CHST9: variants seen among roughly 807,000 people sequenced by gnomAD.
CHST9 encodes carbohydrate sulfotransferase 9, also known as GalNAc-4-sulfotransferase 2.
CHST9 carries 41 observed loss-of-function variants against 44.4 expected under a neutral mutation model. The observed-to-expected ratio is 0.92, with a 90% CI of 0.72 to 1.20. The LOEUF (loss-of-function observed/expected upper bound fraction) is 1.20. CHST9 is among the 50% of genes most tolerant of loss of function. The pLI is 0.00. For missense variants in CHST9, 504 were observed against 516.5 expected, an observed-to-expected ratio of 0.98 and a Z score of 0.23; for synonymous variants, 171 against 178.4, an observed-to-expected ratio of 0.96 and a Z score of 0.33.
intron 4 of CHST9, among the ~76,000 whole-genome samples, chr18:26,990,687 T>C (rs1214312783): frequency 3.3e-5 from 5 of 152,330 alleles, no homozygotes; most frequent in Middle Eastern, 3.4e-3. Flanking sequence ...CTCATTCCTT[T>C]GTGTCTCATT....
At position 27,173,153 on chromosome 18, in the gene CHST9, T is replaced by C. The variant is rs544695114; in HGVS notation, c.-97+11983A>G. ...AACCTCATTTACTTTGTCCCTGTCATAGAACCTGTACTTGATGGATATTTG... is the reference window on the plus strand; with the variant it reads ...AACCTCATTTACTTTGTCCCTGTCACAGAACCTGTACTTGATGGATATTTG... On this transcript the variant is annotated intron_variant, in intron 1 of 5. Transcript: ENST00000618847. Among the ~76,000 whole-genome samples, 7 of 152,220 alleles carry C rather than the reference T, an allele frequency of 4.6e-5. No individual in the cohort carries two copies. In the South Asian group the frequency reaches 1.4e-3, roughly 32 times the overall value.
At chr18:27,142,332 C>T (rs1323587100) in intron 2 of CHST9, among the ~76,000 whole-genome samples, 1 of 152,178 alleles carries the variant, frequency 6.6e-6, no homozygotes, top group African/African-American at 2.4e-5. Context: ...GGAGAGGCTG[C>T]TGTACATTCA....
intron 5 of CHST9, among the ~76,000 whole-genome samples, chr18:26,927,938 C>A (rs232335): frequency 1.1e-4 from 16 of 151,868 alleles, no homozygotes; most frequent in Non-Finnish European, 2.1e-4. Flanking sequence ...AGGTCCCTGC[C>A]GCCTTCCGTG....
intron 5 of CHST9, among the ~76,000 whole-genome samples, chr18:26,921,385 A>G (rs2055650324): frequency 6.6e-6 from 1 of 152,180 alleles, no homozygotes; most frequent in African/African-American, 2.4e-5. Flanking sequence ...GAGTGCTAGT[A>G]AGTTTCCTCT....
intron 2 of CHST9, among the ~76,000 whole-genome samples, chr18:27,077,357 A>G (rs1309544901): frequency 6.6e-6 from 1 of 152,202 alleles, no homozygotes; most frequent in Admixed American, 6.5e-5. Context: ...AGACTTTAAT[A>G]TACTTGCATA....
intron 4 of CHST9, among the ~76,000 whole-genome samples, chr18:26,972,234 G>A (rs914179997): frequency 6.6e-6 from 1 of 151,868 alleles, no homozygotes; most frequent in African/African-American, 2.4e-5. Context: ...GCACGGGCCT[G>A]TAGTCCCAGC....
chr18:26,910,208 C>T lies in CHST9; in HGVS notation c.*6051G>A, dbSNP rs560381716. ...ACTGGATTTCTCCCAACATCTTTGT[C>T]ATTGGTCAAAAGAGACTTCCCCAAA... On this transcript the variant is annotated 3_prime_UTR_variant, in exon 6 of 6. Coordinates refer to ENST00000618847, the MANE Select transcript of CHST9 (RefSeq NM_031422.6). The T allele has an allele frequency of 3.9e-5, 6 of 152,228 alleles. No homozygotes were observed. In the East Asian group the frequency reaches 1.2e-3, roughly 29 times the overall value. 9.4% of individuals were successfully genotyped at this position (152,228 alleles called of 1,614,324 possible).
At chr18:27,165,323 G>T (rs1196918832) in intron 1 of CHST9, among the ~76,000 whole-genome samples, 5 of 152,174 alleles carry the variant, frequency 3.3e-5, no homozygotes, top group Non-Finnish European at 7.4e-5. Flanking sequence ...AAAATTAGAT[G>T]AAGCTGCACA....
At chr18:27,108,790 A>G (rs2143773524) in intron 2 of CHST9, among the ~76,000 whole-genome samples, 1 of 152,298 alleles carries the variant, frequency 6.6e-6, no homozygotes, top group South Asian at 2.1e-4. Flanking sequence ...ATAAAGATAC[A>G]CTTAGTCTTT....
In CHST9 at chr18:26,911,171, A is replaced by G. The variant is rs1328248983; in HGVS notation, c.*5088T>C. On this transcript the variant is annotated 3_prime_UTR_variant, in exon 6 of 6. Coordinates refer to ENST00000618847, the MANE Select transcript of CHST9 (RefSeq NM_031422.6). The stretch of plus-strand genomic sequence containing the variant: ...GGCAGAAATATACGAATTCTACACT[A>G]AAAGAAGTTGTACAGGAACCTTTAA... 1.3e-5 allele frequency: 2 copies of G among 152,152 alleles called. No individual in the cohort carries two copies. Among genetic ancestry groups the G allele is most frequent in the Non-Finnish European group, 2.9e-5 (2 of 68,026 alleles). 9.4% of individuals were successfully genotyped at this position (152,152 alleles called of 1,614,324 possible). A position where few individuals can be genotyped will look rare whatever the true frequency, so the allele number is the denominator to read the frequency against.
intron 1 of CHST9, among the ~76,000 whole-genome samples, chr18:27,182,549 G>T (rs946485302): frequency 6.6e-6 from 1 of 152,168 alleles, no homozygotes; most frequent in African/African-American, 2.4e-5. Flanking sequence ...TTTTCCTAAT[G>T]TGCTGGCTAG....
At chr18:27,000,772 A>G (rs1293763553) in intron 4 of CHST9, among the ~76,000 whole-genome samples, 1 of 152,160 alleles carries the variant, frequency 6.6e-6, no homozygotes, top group Non-Finnish European at 1.5e-5. Flanking sequence ...TTAAAAAGAT[A>G]AAGAATACAC....
intron 2 of CHST9, among the ~76,000 whole-genome samples, chr18:27,121,771 A>T (rs772692580): frequency 1.8e-4 from 27 of 152,210 alleles, no homozygotes; most frequent in Non-Finnish European, 3.2e-4. Flanking sequence ...GGCCCTCTGG[A>T]TCTAGCTATT....
intron 2 of CHST9, among the ~76,000 whole-genome samples, chr18:27,113,884 T>C (rs2058297127): frequency 6.6e-6 from 1 of 152,188 alleles, no homozygotes; most frequent in Non-Finnish European, 1.5e-5. Flanking sequence ...ATGAGCTATA[T>C]CAAATGGTGA....
chr18:26,938,633 C>G (rs77045196), intron 5 of CHST9, among the ~76,000 whole-genome samples: 5,379 of 152,300 alleles, frequency 0.035, 318 homozygotes, highest in African/African-American at 0.12. Flanking sequence ...GTGAGTGGCA[C>G]TGCCATGCTT....
chr18:27,087,401 C>G (rs2058023366), intron 2 of CHST9, among the ~76,000 whole-genome samples: 1 of 152,156 alleles, frequency 6.6e-6, no homozygotes, highest in Admixed American at 6.5e-5. Flanking sequence ...TCTAACTGAG[C>G]TTCTTCGCCC....
At chr18:27,126,506 G>T (rs1014364036) in intron 2 of CHST9, among the ~76,000 whole-genome samples, 4 of 152,096 alleles carry the variant, frequency 2.6e-5, no homozygotes, top group African/African-American at 9.7e-5. Context: ...TGAGTAACAG[G>T]AACTGTTTGA....
chr18:26,975,618 T>A (rs1215336578), intron 4 of CHST9, among the ~76,000 whole-genome samples: 1 of 147,960 alleles, frequency 6.8e-6, no homozygotes, highest in African/African-American at 2.5e-5. Context: ...TTATTCTTTT[T>A]AATGGCTGAA....
chr18:27,149,744 T>C (rs1267885125), intron 1 of CHST9, among the ~76,000 whole-genome samples: 1 of 152,078 alleles, frequency 6.6e-6, no homozygotes, highest in Non-Finnish European at 1.5e-5. Context: ...TCTGGGTAAA[T>C]TCTTCTGAGC....
Sources: gnomAD v4.1 joint callset for allele counts (sites outside exome capture counted in the v4.1 genomes callset) on GRCh38, gnomAD v4.1.1 for gene constraint, MANE v1.5 for transcripts, NCBI Gene and HGNC (gene_info 2026-07-23, HGNC 2026-07-21) for gene names.